Variants in ANKFN1 observed in about 807,000 individuals in gnomAD.
The protein encoded by ANKFN1 is ankyrin repeat and fibronectin type-III domain-containing protein 1.
In ANKFN1, 74 loss-of-function variants were observed where a neutral mutation model predicts 108.7. The ratio of observed to expected loss-of-function variants is 0.68; its 90% CI spans 0.56 to 0.83. ANKFN1 has a LOEUF of 0.83. Ranked by LOEUF, ANKFN1 falls within the 40% of genes least tolerant of loss-of-function variation. The pLI, the probability that ANKFN1 is intolerant of heterozygous loss-of-function variation, is 0.00. For synonymous variants in ANKFN1, 547 were observed against 516.2 expected (o/e 1.06, Z -0.81); for missense variants, 1,505 against 1,382.3 (o/e 1.09, Z -1.41).
At chr17:56,427,267 G>C (rs2048598774) in intron 8 of ANKFN1, among the ~76,000 whole-genome samples, 1 of 152,090 alleles carries the variant, frequency 6.6e-6, no homozygotes. Flanking sequence ...TAAAAGATAT[G>C]AACCTTATCC....
chr17:56,185,087 T>C (rs1912063087), intron 1 of ANKFN1: 1 of 152,216 alleles, frequency 6.6e-6, no homozygotes, highest in South Asian at 2.1e-4. Context: ...TATCAATCTC[T>C]GTCCACGTAG....
intron 4 of ANKFN1, among the ~76,000 whole-genome samples, chr17:56,143,455 C>T (rs151060240): frequency 6.6e-6 from 1 of 152,322 alleles, no homozygotes; most frequent in Non-Finnish European, 1.5e-5. Context: ...CCTTTCCTGA[C>T]TCTCACTCAG....
At position 56,444,814 on chromosome 17, in the gene ANKFN1, A is replaced by T. The variant is rs560153276; in HGVS notation, c.1099+1881A>T. Among the ~76,000 whole-genome samples the T allele has an allele frequency of 2.0e-5, 3 of 152,292 alleles. No individual in the cohort carries two copies. In the East Asian group the frequency reaches 5.8e-4, roughly 29 times the overall value. Reference sequence around the variant, plus strand: ...TTTCCGAAAGTCACAACACTGGTACATGGCTGAACCAGGACTCTAGCCTGA... The same window carrying T: ...TTTCCGAAAGTCACAACACTGGTACTTGGCTGAACCAGGACTCTAGCCTGA... On this transcript the variant is annotated intron_variant, in intron 10 of 20. Coordinates refer to ENST00000682825, the MANE Select transcript of ANKFN1 (RefSeq NM_001370326.1).
At chr17:56,346,838 A>C (rs1158968293) in intron 4 of ANKFN1, among the ~76,000 whole-genome samples, 1 of 151,806 alleles carries the variant, frequency 6.6e-6, no homozygotes, top group African/African-American at 2.4e-5. Context: ...TTTATTAGGA[A>C]AAGTAAACTT....
rs570780128 is a variant in ANKFN1, at chr17:56,424,600, C to T, written c.911-15727C>T. 4.6e-5 allele frequency among the ~76,000 whole-genome samples: 7 copies of T among 152,348 alleles called. 2 individuals carry two copies. The East Asian group carries it at 1.3e-3, about 29-fold the overall frequency. On this transcript the variant is annotated intron_variant, in intron 8 of 20. Coordinates refer to ENST00000682825, the MANE Select transcript of ANKFN1 (RefSeq NM_001370326.1). ...CCAGTCTGCCCTTCCTTGGTTGCTT[C>T]ATCCCCCATATCTCTCTCTTGGATT...
chr17:56,258,283 C>T (rs2043409089), intron 3 of ANKFN1: 1 of 152,188 alleles, frequency 6.6e-6, no homozygotes, highest in Non-Finnish European at 1.5e-5. Flanking sequence ...AATGTTCGCC[C>T]TCTACTCTAG....
intron 6 of ANKFN1, chr17:56,368,258 GAATA>G (rs1210104195): frequency 3.2e-5 from 7 of 217,128 alleles, no homozygotes; most frequent in Non-Finnish European, 6.4e-5. Context: ...AAACAAACTT[GAATA>G]AACTGAAAAT....
intron 8 of ANKFN1, among the ~76,000 whole-genome samples, chr17:56,423,926 A>T (rs1598583839): frequency 6.6e-6 from 1 of 152,208 alleles, no homozygotes; most frequent in East Asian, 1.9e-4. Context: ...TCAGGAATGT[A>T]TTGGCTTTAT....
intron 6 of ANKFN1, among the ~76,000 whole-genome samples, chr17:56,355,828 G>A (rs193069053): frequency 1.3e-5 from 2 of 152,062 alleles, no homozygotes; most frequent in Admixed American, 1.3e-4. Context: ...CCCTTTTGAA[G>A]TATACAATTC....
chr17:56,067,238 A>G (rs1567780725), intron 4 of ANKFN1, among the ~76,000 whole-genome samples: 1 of 152,142 alleles, frequency 6.6e-6, no homozygotes, highest in Admixed American at 6.5e-5. Context: ...TCCATTATAT[A>G]TATATACCAC....
At chr17:56,172,338 C>T (rs1910759771) in intron 1 of ANKFN1, among the ~76,000 whole-genome samples, 1 of 152,122 alleles carries the variant, frequency 6.6e-6, no homozygotes, top group Admixed American at 6.5e-5. Flanking sequence ...CTCAACAACT[C>T]CTGTAGCTTT....
chr17:56,333,626 G>A (rs2045725757), intron 4 of ANKFN1, among the ~76,000 whole-genome samples: 1 of 139,256 alleles, frequency 7.2e-6, no homozygotes, highest in South Asian at 2.1e-4. Flanking sequence ...ATAGACATTG[G>A]TCCATACCTT....
At chr17:56,176,738 G>T (rs1036957338) in intron 1 of ANKFN1, among the ~76,000 whole-genome samples, 1 of 152,168 alleles carries the variant, frequency 6.6e-6, no homozygotes, top group Non-Finnish European at 1.5e-5. Context: ...TCTTTGAGGA[G>T]AGAGTAGATA....
At chr17:56,189,170 C>CATTTTTTT (rs1555607722) in intron 1 of ANKFN1, among the ~76,000 whole-genome samples, 19 of 85,264 alleles carry the variant, frequency 2.2e-4, no homozygotes, top group Non-Finnish European at 2.3e-4. Flanking sequence ...GTTGCCCTGA[C>CATTTTTTT]TTTTTTTTTT....
At chr17:56,431,779 G>A (rs981593689) in intron 8 of ANKFN1, among the ~76,000 whole-genome samples, 16 of 152,304 alleles carry the variant, frequency 1.1e-4, no homozygotes, top group Middle Eastern at 3.4e-3. Flanking sequence ...TTTTGCCCCC[G>A]TGGCTAGTGA....
intron 15 of ANKFN1, among the ~76,000 whole-genome samples, chr17:56,468,373 C>A (rs2050203835): frequency 6.6e-6 from 1 of 152,126 alleles, no homozygotes; most frequent in African/African-American, 2.4e-5. Context: ...CTCTCTGCCT[C>A]ACACATTCTT....
intron 3 of ANKFN1, 200 bp downstream of exon 3, chr17:56,228,157 T>C (rs567554207): frequency 3.9e-6 from 2 of 507,714 alleles, no homozygotes; most frequent in South Asian, 6.7e-5. Context: ...AGATTGAACT[T>C]AATTGTGGTT....
chr17:56,057,092 A>G lies in ANKFN1; in HGVS notation c.288+10767A>G, dbSNP rs961996381. Among the ~76,000 whole-genome samples, 3 of 152,220 alleles carry G rather than the reference A, an allele frequency of 2.0e-5. No homozygotes were observed. In the East Asian group the frequency reaches 5.8e-4, roughly 29 times the overall value. On this transcript the variant is annotated intron_variant, in intron 4 of 12. Transcript: ENST00000635860. The stretch of plus-strand genomic sequence containing the variant: ...TCTAAAGAAACCACTTTCTTTGCTC[A>G]TGCATAAGAAACAACTCCTCATCTA...
At chr17:56,223,371 T>G (rs1033414605) in intron 2 of ANKFN1, among the ~76,000 whole-genome samples, 16 of 152,306 alleles carry the variant, frequency 1.1e-4, no homozygotes, top group Non-Finnish European at 2.2e-4. Context: ...TGTTTGATAA[T>G]GAAAATTGCT....
Sources: gnomAD v4.1 joint callset for allele counts (sites outside exome capture counted in the v4.1 genomes callset) on GRCh38, gnomAD v4.1.1 for gene constraint, MANE v1.5 for transcripts, NCBI Gene and HGNC (gene_info 2026-07-23, HGNC 2026-07-21) for gene names.